PHC2: variants seen among roughly 807,000 people sequenced by gnomAD.
PHC2 encodes polyhomeotic homolog 2, also known as polyhomeotic-like protein 2.
Under a neutral mutation model 87.4 loss-of-function variants are expected in PHC2, and 29 were observed. That is an observed-to-expected ratio of 0.33 (90% CI 0.25 to 0.45). The LOEUF is 0.45. PHC2 is among the 20% of genes least tolerant of loss of function. PHC2 has a pLI of 1.00. For missense variants in PHC2, 857 were observed against 1,136.7 expected, an observed-to-expected ratio of 0.75 and a Z score of 3.54; for synonymous variants, 438 against 461.7, an observed-to-expected ratio of 0.95 and a Z score of 0.66.
Position 33,367,214 on chromosome 1 carries a change from T to A in PHC2, c.878A>T (p.Lys293Ile), listed in dbSNP as rs1385593334. The A allele has an allele frequency of 3.7e-6, 6 of 1,614,058 alleles. No homozygotes were observed. Among genetic ancestry groups the A allele is most frequent in the Non-Finnish European group, 5.1e-6 (6 of 1,180,038 alleles). Reference sequence around the variant, plus strand: ...TGGCACACTGCTGTTGCCATCTCCTTTCTTGTGTGGCTCCATCACACTGTC... The same window carrying A: ...TGGCACACTGCTGTTGCCATCTCCTATCTTGTGTGGCTCCATCACACTGTC... Reference protein sequence around the residue: ...IADSVMEPHKKGDGNSSVPGS... With the variant: ...IADSVMEPHKIGDGNSSVPGS... The change falls in exon 7 of 15, where the codon AAA becomes ATA. Residue 293 changes from lysine (K) to isoleucine (I), a missense_variant. This residue lies in a region of PHC2 where 832 missense variants were observed against 1,081.8 expected (regional missense o/e 0.77). Transcript: ENST00000683057.
At chr1:33,385,052 T>C (rs1648672139) in intron 1 of PHC2, among the ~76,000 whole-genome samples, 1 of 152,162 alleles carries the variant, frequency 6.6e-6, no homozygotes. Flanking sequence ...AGATGGCTAC[T>C]CTCAACAGGG....
chr1:33,333,162 T>G (rs1000103987), intron 10 of PHC2: 5 of 152,244 alleles, frequency 3.3e-5, no homozygotes, highest in Non-Finnish European at 7.3e-5. Flanking sequence ...GCTAAGGTGT[T>G]CCAGGCAGAT....
At chr1:33,357,820 T>C (rs1647120730) in intron 7 of PHC2, among the ~76,000 whole-genome samples, 1 of 152,234 alleles carries the variant, frequency 6.6e-6, no homozygotes, top group South Asian at 2.1e-4. Flanking sequence ...GTTGGGCATG[T>C]CACTGCAAAT....
chr1:33,349,161 G>T lies in PHC2; in HGVS notation c.1558+5240C>A. On this transcript the variant is annotated intron_variant, in intron 9 of 14. Coordinates refer to ENST00000683057, the MANE Select transcript of PHC2 (RefSeq NM_001385109.1). This position sits in a 1 kb window ranked among gnomAD's most constrained non-coding sequence, Gnocchi z 4.2. ...TTAAAAACCTCGTGAGACTGAACTA[G>T]ATTAAAAACAAAACTCTCCAGCGAA... is the stretch of plus-strand genomic sequence containing the variant. 1.0e-6 allele frequency: 1 copy of T among 985,434 alleles called. No homozygotes were observed. Among genetic ancestry groups the T allele is most frequent in the Non-Finnish European group, 1.2e-6 (1 of 829,920 alleles). The allele number at this position is 985,434 out of a possible 1,614,324, so 61.0% of individuals were successfully genotyped here.
intron 1 of PHC2, among the ~76,000 whole-genome samples, chr1:33,381,815 A>G (rs1447493607): frequency 6.6e-6 from 1 of 152,162 alleles, no homozygotes. Flanking sequence ...TGTAATATAT[A>G]TATAAAGGAT....
chr1:33,408,448 T>TTTTTTG (rs1553189777), intron 1 of PHC2, among the ~76,000 whole-genome samples: 2 of 151,402 alleles, frequency 1.3e-5, no homozygotes, highest in Non-Finnish European at 3.0e-5. Flanking sequence ...TTTAGTAGTT[T>TTTTTTG]TTTTGTTTTG....
chr1:33,367,528 A>C (rs955998208), intron 6 of PHC2, 100 bp from the exon 7 acceptor site: 5 of 928,146 alleles, frequency 5.4e-6, no homozygotes, highest in Non-Finnish European at 8.2e-6. Context: ...ATGGCTGAAT[A>C]GAACAGGAGG....
At chr1:33,336,575 A>T (rs966595994) in intron 9 of PHC2, 2 of 152,232 alleles carry the variant, frequency 1.3e-5, no homozygotes, top group Admixed American at 1.3e-4. Context: ...TAGAGATGGA[A>T]ACATTTCCTT....
intron 9 of PHC2, chr1:33,346,872 T>C (rs1646854166): frequency 3.0e-6 from 3 of 985,284 alleles, no homozygotes; most frequent in African/African-American, 1.7e-5. Context: ...AGCACACCAG[T>C]AGGGGTTCCT....
At chr1:33,370,667 C>G (rs1018705440) in intron 4 of PHC2, 82 bp from the exon 5 acceptor site, 9 of 1,355,374 alleles carry the variant, frequency 6.6e-6, no homozygotes, top group Middle Eastern at 1.8e-4. Context: ...TTTCTCCCCC[C>G]TCTTTTGCTC....
chr1:33,399,064 T>C (rs1649409000), intron 1 of PHC2, among the ~76,000 whole-genome samples: 1 of 152,138 alleles, frequency 6.6e-6, no homozygotes, highest in Admixed American at 6.6e-5. Flanking sequence ...CTACTACAGA[T>C]GTACAAAGTG....
At chr1:33,347,833 G>A in intron 9 of PHC2, 2 of 656,732 alleles carry the variant, frequency 3.0e-6, no homozygotes, top group Non-Finnish European at 1.9e-6. Flanking sequence ...GACCTTCTGC[G>A]AAACAAGCCC....
chr1:33,341,286 CTT>C (rs1475416195), intron 9 of PHC2, among the ~76,000 whole-genome samples: 1 of 152,240 alleles, frequency 6.6e-6, no homozygotes, highest in Non-Finnish European at 1.5e-5. Flanking sequence ...GTGCTTTAGA[CTT>C]TTCCGGGTGG....
chr1:33,397,191 G>A (rs1349955765), intron 1 of PHC2, among the ~76,000 whole-genome samples: 71 of 152,258 alleles, frequency 4.7e-4, no homozygotes, highest in Admixed American at 4.6e-3. Flanking sequence ...CCATCACCAG[G>A]CACCAGAGGT....
At chr1:33,429,361 GA>G (rs973449529) in intron 1 of PHC2, among the ~76,000 whole-genome samples, 8 of 152,014 alleles carry the variant, frequency 5.3e-5, no homozygotes, top group Admixed American at 1.3e-4. Context: ...ACAGAGGAAG[GA>G]AAAAAAGCCA....
At chr1:33,405,982 T>TTA (rs1234149013) in intron 1 of PHC2, among the ~76,000 whole-genome samples, 1 of 152,200 alleles carries the variant, frequency 6.6e-6, no homozygotes, top group Non-Finnish European at 1.5e-5. Flanking sequence ...AAGTACAGTG[T>TTA]TATATATATG....
chr1:33,348,128 AAGACAGC>A (rs1166253812), intron 9 of PHC2, among the ~76,000 whole-genome samples: 1 of 152,234 alleles, frequency 6.6e-6, no homozygotes, highest in Non-Finnish European at 1.5e-5. Flanking sequence ...CTTAAGGTTC[AAGACAGC>A]CTCTTGCCCG....
intron 8 of PHC2, 26 bp from the exon 9 acceptor site, chr1:33,354,592 G>A: frequency 3.1e-6 from 5 of 1,598,344 alleles, no homozygotes; most frequent in Non-Finnish European, 3.4e-6. Context: ...ACAGAGAGGG[G>A]GGCCTCTCAG....
chr1:33,363,130 C>T (rs764651002), intron 7 of PHC2: 3 of 152,220 alleles, frequency 2.0e-5, no homozygotes, highest in East Asian at 1.9e-4. Flanking sequence ...AAAGAAGAAA[C>T]GTCCAGCAAG....
Sources: gnomAD v4.1 joint callset for allele counts (sites outside exome capture counted in the v4.1 genomes callset) on GRCh38, gnomAD v4.1.1 for gene constraint, gnomAD v4.1.1 regional missense constraint, Gnocchi (gnomAD v3.1) non-coding constraint, MANE v1.5 for transcripts, NCBI Gene and HGNC (gene_info 2026-07-23, HGNC 2026-07-21) for gene names.